SLIT2: variants seen among roughly 807,000 people sequenced by gnomAD.
The protein encoded by SLIT2 is slit homolog 2 protein.
In SLIT2, 41 loss-of-function variants were observed where a neutral mutation model predicts 185.7. That is an observed-to-expected ratio of 0.22 (90% confidence interval 0.17 to 0.29). The LOEUF (loss-of-function observed/expected upper bound fraction) is 0.29. SLIT2 is among the 10% of genes least tolerant of loss of function. The pLI, the probability that SLIT2 is intolerant of heterozygous loss-of-function variation, is 1.00. For synonymous variants in SLIT2, 693 were observed against 680.2 expected (o/e 1.02, Z -0.29); for missense variants, 1,571 against 1,909.0 (o/e 0.82, Z 3.30).
intron 4 of SLIT2, among the ~76,000 whole-genome samples, chr4:20,322,409 T>C (rs1039455354): frequency 4.0e-5 from 6 of 151,890 alleles, no homozygotes; most frequent in African/African-American, 1.5e-4. Flanking sequence ...TGGGGAGGGG[T>C]CATCAAGGTC....
intron 4 of SLIT2, among the ~76,000 whole-genome samples, chr4:20,463,962 T>C (rs1010753562): frequency 6.6e-6 from 1 of 152,040 alleles, no homozygotes; most frequent in African/African-American, 2.4e-5. Flanking sequence ...TTAATGGTCC[T>C]CTCATCTAAC....
intron 18 of SLIT2, among the ~76,000 whole-genome samples, chr4:20,536,373 A>G (rs996143388): frequency 1.3e-5 from 2 of 152,094 alleles, no homozygotes; most frequent in Non-Finnish European, 2.9e-5. Flanking sequence ...CCTGGCCAAT[A>G]TGGTGAAACC....
intron 4 of SLIT2, among the ~76,000 whole-genome samples, chr4:20,412,150 A>G (rs1041800139): frequency 3.9e-5 from 6 of 152,050 alleles, no homozygotes; most frequent in African/African-American, 1.4e-4. Context: ...GTCTGCATTT[A>G]TATTTAACTC....
chr4:20,448,962 T>A (rs565204713), intron 4 of SLIT2, among the ~76,000 whole-genome samples: 1 of 152,268 alleles, frequency 6.6e-6, no homozygotes, highest in African/African-American at 2.4e-5. Context: ...AAGAGTTACT[T>A]CTACTTCAAG....
At chr4:20,502,326 T>TTGCA (rs1387114429) in intron 9 of SLIT2, among the ~76,000 whole-genome samples, 1 of 152,196 alleles carries the variant, frequency 6.6e-6, no homozygotes. Context: ...GTGAGTACTA[T>TTGCA]TGCAACACAA....
At position 20,293,919 on chromosome 4, in the gene SLIT2, C is replaced by G. The variant is rs374401014; in HGVS notation, c.395+25038C>G. 2.8e-4 allele frequency among the ~76,000 whole-genome samples: 43 copies of G among 152,036 alleles called. 1 individual carries two copies. The East Asian group carries it at 3.3e-3, about 12-fold the overall frequency. On this transcript the variant is annotated intron_variant, in intron 4 of 36. Coordinates refer to ENST00000504154, the MANE Select transcript of SLIT2 (RefSeq NM_004787.4). ...CTTTACCTGGTCCACGGACACCAAT[C>G]CTTTTTTACTTTTTTTTTTTTCTAC...
intron 11 of SLIT2, among the ~76,000 whole-genome samples, chr4:20,515,861 G>T (rs994484471): frequency 6.6e-6 from 1 of 152,128 alleles, no homozygotes; most frequent in African/African-American, 2.4e-5. Flanking sequence ...TGTCACCGAG[G>T]CTGGAGTACA....
At chr4:20,369,245 A>G (rs1269595855) in intron 4 of SLIT2, among the ~76,000 whole-genome samples, 2 of 151,958 alleles carry the variant, frequency 1.3e-5, no homozygotes, top group Non-Finnish European at 2.9e-5. Context: ...CCTCTGGGAT[A>G]TAGTTGCCTG....
At chr4:20,588,229 A>C (rs770476976) in intron 29 of SLIT2, among the ~76,000 whole-genome samples, 3 of 152,224 alleles carry the variant, frequency 2.0e-5, no homozygotes, top group Admixed American at 6.5e-5. Context: ...CTGTGCAATT[A>C]GTTCTTTTTA....
chr4:20,528,876 T>C lies in SLIT2; in HGVS notation c.1463-73T>C. The C allele has an allele frequency of 7.9e-7, 1 of 1,260,148 alleles. No individual in the cohort carries two copies. Among genetic ancestry groups the C allele is most frequent in the South Asian group, 1.6e-5 (1 of 61,102 alleles). 78.1% of individuals were successfully genotyped at this position (1,260,148 alleles called of 1,614,324 possible). A position where few individuals can be genotyped will look rare whatever the true frequency, so the allele number is the denominator to read the frequency against. ...ACATAATCTATAGTTATCTTACTTT[T>C]TTCTTCCTACAAACTAATAAATTTT... On this transcript the variant is annotated intron_variant, in intron 15 of 36. Coordinates refer to ENST00000504154, the MANE Select transcript of SLIT2 (RefSeq NM_004787.4). The surrounding 1 kb of genome is among the most constrained non-coding windows in gnomAD (Gnocchi z 4.2).
chr4:20,483,725 A>G (rs1716932951), intron 6 of SLIT2, among the ~76,000 whole-genome samples: 2 of 152,088 alleles, frequency 1.3e-5, no homozygotes, highest in African/African-American at 4.8e-5. Flanking sequence ...TTATACATCA[A>G]GATGTCTTTT....
At chr4:20,306,461 T>C (rs1254007680) in intron 4 of SLIT2, among the ~76,000 whole-genome samples, 1 of 152,158 alleles carries the variant, frequency 6.6e-6, no homozygotes, top group African/African-American at 2.4e-5. Flanking sequence ...TATATTTTAA[T>C]TCTCTTTTCT....
intron 4 of SLIT2, among the ~76,000 whole-genome samples, chr4:20,294,375 A>G (rs929856863): frequency 2.0e-5 from 3 of 151,826 alleles, no homozygotes; most frequent in Non-Finnish European, 4.4e-5. Context: ...AAGCACCCAC[A>G]TAATAAAAAT....
intron 4 of SLIT2, among the ~76,000 whole-genome samples, chr4:20,365,413 G>A (rs1723038859): frequency 6.6e-6 from 1 of 152,080 alleles, no homozygotes; most frequent in Admixed American, 6.6e-5. Context: ...TCCTCATGAT[G>A]GTTGAAGCCT....
chr4:20,483,232 G>A (rs1410478073), intron 6 of SLIT2, among the ~76,000 whole-genome samples: 1 of 151,924 alleles, frequency 6.6e-6, no homozygotes, highest in Non-Finnish European at 1.5e-5. Context: ...TGAGGTAATG[G>A]CCCTTGGTCA....
At chr4:20,423,182 A>AGGGGAAACACTGAGATT (rs1728296318) in intron 4 of SLIT2, among the ~76,000 whole-genome samples, 2 of 152,124 alleles carry the variant, frequency 1.3e-5, no homozygotes, top group African/African-American at 4.8e-5. Flanking sequence ...GTACAGACAT[A>AGGGGAAACACTGAGATT]GGGGAAACAC....
intron 4 of SLIT2, among the ~76,000 whole-genome samples, chr4:20,331,313 C>A (rs534278565): frequency 6.6e-6 from 1 of 152,022 alleles, no homozygotes; most frequent in African/African-American, 2.4e-5. Context: ...ATACATTTTC[C>A]AATTATTGCT....
chr4:20,404,879 A>T (rs1349813529), intron 4 of SLIT2, among the ~76,000 whole-genome samples: 3 of 152,042 alleles, frequency 2.0e-5, no homozygotes, highest in African/African-American at 7.2e-5. Context: ...AGTCCAGATG[A>T]CTAGAAATAG....
At position 20,519,891 on chromosome 4, in the gene SLIT2, C is replaced by CGTG. The variant is rs558508845; in HGVS notation, c.1130+449_1130+451dup. Among the ~76,000 whole-genome samples the CGTG allele has an allele frequency of 1.3e-4, 19 of 151,656 alleles. No individual in the cohort carries two copies. In the East Asian group the frequency reaches 3.1e-3, roughly 25 times the overall value. On this transcript the variant is annotated intron_variant, in intron 12 of 36. Transcript: ENST00000504154. Reference sequence around the variant, plus strand: ...ACTAACAAACAAAAAATTAGCCGGGCGTGGTGGTGGTGGGCCCCTGTAGTC... The same window carrying CGTG: ...ACTAACAAACAAAAAATTAGCCGGGCGTGGTGGTGGTGGTGGGCCCCTGTAGTC...
Sources: allele counts gnomAD v4.1 joint callset (sites outside exome capture counted in the v4.1 genomes callset), GRCh38; gene constraint gnomAD v4.1.1; non-coding constraint Gnocchi (gnomAD v3.1); transcripts MANE v1.5; gene names NCBI Gene and HGNC (gene_info 2026-07-23, HGNC 2026-07-21).